Variants in FOXN3 observed in about 807,000 individuals in gnomAD.
FOXN3 encodes the protein forkhead box protein N3.
In FOXN3, 7 loss-of-function variants were observed where a neutral mutation model predicts 38.4. The ratio of observed to expected loss-of-function variants is 0.18; its 90% CI spans 0.10 to 0.34. The LOEUF is 0.34. Ranked by LOEUF, FOXN3 falls within the 10% of genes least tolerant of loss-of-function variation. FOXN3 has a pLI of 1.00. For missense variants in FOXN3, 456 were observed against 613.4 expected (o/e 0.74, Z 2.71); for synonymous variants, 230 against 242.2 (o/e 0.95, Z 0.47).
chr14:89,305,095 G>A (rs1221885142), intron 3 of FOXN3, among the ~76,000 whole-genome samples: 7 of 152,074 alleles, frequency 4.6e-5, no homozygotes, highest in Non-Finnish European at 1.0e-4. Context: ...CGCTGAGCCC[G>A]GCTGATCTGG....
chr14:89,390,296 T>C (rs1890906204), intron 2 of FOXN3, among the ~76,000 whole-genome samples: 1 of 117,802 alleles, frequency 8.5e-6, no homozygotes, highest in Non-Finnish European at 1.9e-5. Context: ...GTTCTCTTTC[T>C]CTCTCTCTCT....
At chr14:89,422,208 C>G (rs555342751), upstream of FOXN3, among the ~76,000 whole-genome samples, 9 of 152,316 alleles carry the variant, frequency 5.9e-5, no homozygotes, top group Non-Finnish European at 1.2e-4. Flanking sequence ...GTTGAGGGGG[C>G]GTCCACTGGA....
At chr14:89,481,856 C>T (rs550780842) in intron 1 of FOXN3, among the ~76,000 whole-genome samples, 1 of 152,138 alleles carries the variant, frequency 6.6e-6, no homozygotes, top group South Asian at 2.1e-4. Flanking sequence ...CTAGGGCGAT[C>T]ATATCATTTA....
chr14:89,307,597 C>T (rs1189636140), intron 3 of FOXN3, among the ~76,000 whole-genome samples: 1 of 152,206 alleles, frequency 6.6e-6, no homozygotes, highest in African/African-American at 2.4e-5. Flanking sequence ...GCTTTTGCTA[C>T]CCTCTCTCCC....
chr14:89,355,863 C>T (rs369055142), intron 2 of FOXN3, among the ~76,000 whole-genome samples: 5 of 152,046 alleles, frequency 3.3e-5, no homozygotes, highest in East Asian at 3.9e-4. Context: ...AGAAAGCCCC[C>T]TATTAGCAAC....
At chr14:89,460,480 G>C (rs1425428995) in intron 1 of FOXN3, among the ~76,000 whole-genome samples, 1 of 152,198 alleles carries the variant, frequency 6.6e-6, no homozygotes, top group Non-Finnish European at 1.5e-5. Flanking sequence ...AGTGCACAGT[G>C]AGCGGGCTTC....
intron 1 of FOXN3, among the ~76,000 whole-genome samples, chr14:89,568,011 C>T (rs1319259253): frequency 6.6e-6 from 1 of 152,030 alleles, no homozygotes; most frequent in Admixed American, 6.6e-5. Flanking sequence ...CATGAGCCAT[C>T]GCGCCCGGCC....
At chr14:89,456,369 T>C (rs1056001211) in intron 1 of FOXN3, among the ~76,000 whole-genome samples, 1 of 152,168 alleles carries the variant, frequency 6.6e-6, no homozygotes, top group Non-Finnish European at 1.5e-5. Context: ...AGGGAGACCT[T>C]GGCTCTGTCT....
chr14:89,312,288 A>AAAAAAAAAAAAAAAAAAAAAAAAG, intron 3 of FOXN3, among the ~76,000 whole-genome samples: 1 of 148,758 alleles, frequency 6.7e-6, no homozygotes, highest in African/African-American at 2.5e-5. Context: ...CGGTCTCAAA[A>AAAAAAAAAAAAAAAAAAAAAAAAG]AAAAAAAAAA....
At chr14:89,506,500 G>A (rs1452902547) in intron 1 of FOXN3, among the ~76,000 whole-genome samples, 1 of 147,688 alleles carries the variant, frequency 6.8e-6, no homozygotes, top group Non-Finnish European at 1.5e-5. Context: ...CGGGAGGGAG[G>A]TGGGGGGGTC....
At chr14:89,371,973 C>T (rs1014135735) in intron 2 of FOXN3, among the ~76,000 whole-genome samples, 3 of 152,058 alleles carry the variant, frequency 2.0e-5, no homozygotes, top group African/African-American at 7.2e-5. Context: ...GGAGTGCACC[C>T]CCGGCTTTGC....
At chr14:89,391,336 T>C (rs775257395) in intron 2 of FOXN3, among the ~76,000 whole-genome samples, 2 of 152,184 alleles carry the variant, frequency 1.3e-5, no homozygotes, top group Non-Finnish European at 2.9e-5. Context: ...ACCAAGGTCA[T>C]ACAAACACTG....
chr14:89,589,746 T>G (rs1596326369), intron 1 of FOXN3, among the ~76,000 whole-genome samples: 1 of 143,928 alleles, frequency 6.9e-6, no homozygotes, highest in Non-Finnish European at 1.5e-5. Flanking sequence ...GGGCGGGGGG[T>G]GCCTATTCCT....
chr14:89,370,496 A>G (rs1890286576), intron 2 of FOXN3, among the ~76,000 whole-genome samples: 1 of 152,266 alleles, frequency 6.6e-6, no homozygotes, highest in South Asian at 2.1e-4. Flanking sequence ...CAAAACACAC[A>G]GAATCCCAAA....
intron 1 of FOXN3, among the ~76,000 whole-genome samples, chr14:89,483,604 C>T (rs1217007907): frequency 6.6e-6 from 1 of 152,106 alleles, no homozygotes; most frequent in East Asian, 1.9e-4. Context: ...GACGGGGTTT[C>T]ACCATGTTGG....
intron 1 of FOXN3, among the ~76,000 whole-genome samples, chr14:89,569,693 T>C (rs910016739): frequency 6.6e-6 from 1 of 152,180 alleles, no homozygotes; most frequent in Non-Finnish European, 1.5e-5. Flanking sequence ...GAAAAACTAG[T>C]TGCTGCCTTT....
At chr14:89,541,745 C>T (rs1894793866) in intron 1 of FOXN3, among the ~76,000 whole-genome samples, 2 of 152,118 alleles carry the variant, frequency 1.3e-5, no homozygotes, top group South Asian at 4.1e-4. Flanking sequence ...GCCTCTGGAT[C>T]AGGACCCCTT....
At chr14:89,551,147 T>C (rs774607641) in intron 1 of FOXN3, among the ~76,000 whole-genome samples, 5 of 152,148 alleles carry the variant, frequency 3.3e-5, no homozygotes, top group Admixed American at 6.5e-5. Context: ...TTACCAAGAA[T>C]TGTAGAAATG....
intron 1 of FOXN3, among the ~76,000 whole-genome samples, chr14:89,413,584 G>A (rs1891601545): frequency 6.6e-6 from 1 of 151,822 alleles, no homozygotes; most frequent in Non-Finnish European, 1.5e-5. Context: ...AGTGAGCCAT[G>A]ACTGTACCAC....
Sources: allele counts gnomAD v4.1 joint callset (sites outside exome capture counted in the v4.1 genomes callset), GRCh38; gene constraint gnomAD v4.1.1; transcripts MANE v1.5; gene names NCBI Gene and HGNC (gene_info 2026-07-23, HGNC 2026-07-21).